AAGAB: variants seen among roughly 807,000 people sequenced by gnomAD.
AAGAB encodes alpha and gamma adaptin binding protein.
AAGAB carries 38 observed loss-of-function variants against 44.1 expected under a neutral mutation model. The observed-to-expected ratio is 0.86, with a 90% confidence interval of 0.67 to 1.13. The LOEUF (loss-of-function observed/expected upper bound fraction) is 1.13. Among genes scored for constraint, AAGAB ranks in the 50% most tolerant of loss-of-function variants. The pLI, the probability that AAGAB is intolerant of heterozygous loss-of-function variation, is 0.00. For synonymous variants in AAGAB, 131 were observed against 131.8 expected (o/e 0.99, Z 0.04); for missense variants, 450 against 373.8 (o/e 1.20, Z -1.68).
intron 1 of AAGAB, among the ~76,000 whole-genome samples, chr15:67,251,890 TCCACTGCTAC>T (rs1342619640): frequency 2.0e-5 from 3 of 152,234 alleles, no homozygotes; most frequent in African/African-American, 7.2e-5. Flanking sequence ...TTTAACGCTA[TCCACTGCTAC>T]CCTATTCACA....
At position 67,202,813 on chromosome 15, in the gene AAGAB, T is replaced by A; in HGVS notation, c.*8A>T. On this transcript the variant is annotated 3_prime_UTR_variant, in exon 10 of 10. Coordinates refer to ENST00000261880, the MANE Select transcript of AAGAB (RefSeq NM_024666.5). ...CATCTTTGTTGGTCAAACCCTAGTA[T>A]GAATAATTCAGTGCTCTTCATCAGA... The A allele has an allele frequency of 6.2e-7, 1 of 1,613,382 alleles. No homozygotes were observed. The highest frequency in any genetic ancestry group is 1.7e-4 in the Middle Eastern group (1 of 6,060).
At position 67,200,852 on chromosome 15, in the gene AAGAB, A is replaced by AGG. The variant is rs1351164901; in HGVS notation, c.*1968_*1969insCC. Among the ~76,000 whole-genome samples the AGG allele has an allele frequency of 6.6e-6, 1 of 152,218 alleles. No individual in the cohort carries two copies. Among genetic ancestry groups the AGG allele is most frequent in the Non-Finnish European group, 1.5e-5 (1 of 68,030 alleles). ...CTAGAAGAGGCCAATATCCCTGCAT[A>AGG]GCTGAGGTCTTAAAAACATGACATT... is the stretch of plus-strand genomic sequence containing the variant. On this transcript the variant is annotated 3_prime_UTR_variant, in exon 10 of 10. Coordinates refer to ENST00000261880, the MANE Select transcript of AAGAB (RefSeq NM_024666.5).
chr15:67,234,320 A>G (rs1330168432), intron 4 of AAGAB, among the ~76,000 whole-genome samples: 4 of 152,118 alleles, frequency 2.6e-5, no homozygotes, highest in Admixed American at 2.6e-4. Flanking sequence ...TATCACCACC[A>G]ATGTCTGGAT....
chr15:67,214,119 C>T (rs1963886520), intron 5 of AAGAB, among the ~76,000 whole-genome samples: 2 of 152,148 alleles, frequency 1.3e-5, no homozygotes, highest in African/African-American at 4.8e-5. Context: ...TGTTTTGATG[C>T]ACAACTACTG....
In AAGAB at chr15:67,203,550, T is replaced by C; in HGVS notation, c.868A>G (p.Lys290Glu). 2 of 1,613,644 alleles carry C rather than the reference T, an allele frequency of 1.2e-6. No individual in the cohort carries two copies. The highest frequency in any genetic ancestry group is 1.1e-5 in the South Asian group (1 of 91,010). Residue 290 changes from lysine to glutamate, a missense_variant and splice_region_variant, in exon 9 of 10, where the codon AAG becomes GAG. Lys to Glu is a moderately conservative substitution (Grantham distance 56). Transcript: ENST00000261880. ...AAATACCTGGCTGATTGTCTCACCT[T>C]TTCTGCATGCACTTTTCTTTGCTCA... Reference protein sequence around the residue: ...PHEQRKVHAEKVAKAFWMAIG... With the variant: ...PHEQRKVHAEEVAKAFWMAIG...
intron 6 of AAGAB, among the ~76,000 whole-genome samples, chr15:67,209,258 G>T (rs1459924185): frequency 6.6e-6 from 1 of 152,196 alleles, no homozygotes; most frequent in Non-Finnish European, 1.5e-5. Flanking sequence ...AAGCACCCTA[G>T]TAAAAATAAA....
In AAGAB at chr15:67,236,795, A is replaced by G. The variant is rs776064795; in HGVS notation, c.99T>C (p.Ile33=). 6.2e-7 allele frequency: 1 copy of G among 1,611,082 alleles called. No individual in the cohort carries two copies. Among genetic ancestry groups the G allele is most frequent in the Non-Finnish European group, 8.5e-7 (1 of 1,178,786 alleles). ...VQHILGTEDL[I]VEVTSNDAVR... is the part of the protein sequence containing the mutation. ...CAGCATCATTGGAAGTCACTTCCAC[A>G]ATAAGATCTTCTGTTCCAAGGATAT... The change falls in exon 2 of 10, where the codon ATT becomes ATC. Residue 33 remains isoleucine, a synonymous_variant. Transcript: ENST00000261880.
chr15:67,237,583 T>C (rs1964500856), intron 1 of AAGAB, among the ~76,000 whole-genome samples: 1 of 152,208 alleles, frequency 6.6e-6, no homozygotes, highest in African/African-American at 2.4e-5. Flanking sequence ...AATATAGACA[T>C]GGTTATGGAG....
intron 1 of AAGAB, among the ~76,000 whole-genome samples, chr15:67,241,894 C>A (rs1964608462): frequency 6.6e-6 from 1 of 152,146 alleles, no homozygotes; most frequent in African/African-American, 2.4e-5. Flanking sequence ...TAGCCTTGCC[C>A]TTCCACCCCA....
At chr15:67,254,295 C>T in intron 1 of AAGAB, 5 of 892,660 alleles carry the variant, frequency 5.6e-6, no homozygotes, top group Non-Finnish European at 7.6e-6. Context: ...TCGCAAAAAC[C>T]TGTGGCCTGG....
At chr15:67,244,641 A>C (rs1430544002) in intron 1 of AAGAB, among the ~76,000 whole-genome samples, 7 of 152,042 alleles carry the variant, frequency 4.6e-5, no homozygotes, top group African/African-American at 1.7e-4. Context: ...TGTCTCTACC[A>C]AAAATACAAA....
At chr15:67,236,256 T>TG in intron 3 of AAGAB, 152 bp downstream of exon 3, 1 of 922,816 alleles carries the variant, frequency 1.1e-6, no homozygotes, top group Non-Finnish European at 1.6e-6. Flanking sequence ...AAGTAAGTAT[T>TG]ACAAGATTCC....
chr15:67,236,212 C>T lies in AAGAB; in HGVS notation c.362-144G>A, dbSNP rs4776907. On this transcript the variant is annotated intron_variant, in intron 3 of 9. Coordinates refer to ENST00000261880, the MANE Select transcript of AAGAB (RefSeq NM_024666.5). ...ATCTAAAATAATAAAAAGAAAATGA[C>T]TTCTCAGCCCCGAAGTATCCATTCT... 837,489 of 837,516 alleles carry T rather than the reference C, an allele frequency of 1. 418,731 individuals carry two copies. The highest frequency in any genetic ancestry group is 1 in the Non-Finnish European group (543,508 of 543,508). The allele number at this position is 837,516 out of a possible 1,614,324, so 51.9% of individuals were successfully genotyped here.
In AAGAB at chr15:67,244,344, A is replaced by G. The variant is rs1404810199; in HGVS notation, c.74-7524T>C. Among the ~76,000 whole-genome samples, 3 of 152,236 alleles carry G rather than the reference A, an allele frequency of 2.0e-5. No individual in the cohort carries two copies. The East Asian group carries it at 5.8e-4, about 29-fold the overall frequency. ...AAACAAAAACACTAATAAGTAAGACATTATTGAAAGTAAACATTGTGTTTC... is the reference window on the plus strand; with the variant it reads ...AAACAAAAACACTAATAAGTAAGACGTTATTGAAAGTAAACATTGTGTTTC... On this transcript the variant is annotated intron_variant, in intron 1 of 9. Transcript: ENST00000261880.
intron 5 of AAGAB, among the ~76,000 whole-genome samples, chr15:67,218,159 C>T (rs979359656): frequency 1.3e-5 from 2 of 152,186 alleles, no homozygotes; most frequent in African/African-American, 4.8e-5. Flanking sequence ...AAAGTCACAA[C>T]TCTGTAACAT....
chr15:67,243,844 C>T (rs1853697260), intron 1 of AAGAB, among the ~76,000 whole-genome samples: 1 of 152,320 alleles, frequency 6.6e-6, no homozygotes, highest in African/African-American at 2.4e-5. Context: ...TAAAATCTAT[C>T]TCTGATAAAG....
intron 1 of AAGAB, among the ~76,000 whole-genome samples, chr15:67,251,026 C>T (rs373264735): frequency 2.6e-5 from 4 of 152,010 alleles, no homozygotes; most frequent in African/African-American, 9.7e-5. Flanking sequence ...GACTCCGTCT[C>T]AATAATTAAA....
chr15:67,243,820 C>T (rs182405573), intron 1 of AAGAB, among the ~76,000 whole-genome samples: 25 of 152,302 alleles, frequency 1.6e-4, no homozygotes, highest in Non-Finnish European at 1.5e-5. Context: ...AAAATATCTT[C>T]CATTTATATC....
At chr15:67,251,768 AC>A (rs1272915146) in intron 1 of AAGAB, among the ~76,000 whole-genome samples, 3 of 152,242 alleles carry the variant, frequency 2.0e-5, no homozygotes, top group African/African-American at 7.2e-5. Context: ...CGAACACTTG[AC>A]AAAATATTAT....
Sources: gnomAD v4.1 joint callset for allele counts (sites outside exome capture counted in the v4.1 genomes callset) on GRCh38, gnomAD v4.1.1 for gene constraint, MANE v1.5 for transcripts, NCBI Gene and HGNC (gene_info 2026-07-23, HGNC 2026-07-21) for gene names.